ARID2: variants seen among roughly 807,000 people sequenced by gnomAD.
The protein encoded by ARID2 is AT-rich interaction domain 2, also known as AT-rich interactive domain-containing protein 2.
In ARID2, 32 loss-of-function variants were observed where a neutral mutation model predicts 184.6. That is an observed-to-expected ratio of 0.17 (90% CI 0.13 to 0.23). ARID2 has a LOEUF of 0.23. Ranked by LOEUF, ARID2 falls within the 10% of genes least tolerant of loss-of-function variation. The pLI is 1.00. For missense variants in ARID2, 1,696 were observed against 2,197.6 expected (o/e 0.77, Z 4.56); for synonymous variants, 836 against 772.6 (o/e 1.08, Z -1.36).
intron 11 of ARID2, 71 bp from the exon 12 acceptor site, chr12:45,846,785 C>A: frequency 7.1e-7 from 1 of 1,418,206 alleles, no homozygotes; most frequent in Admixed American, 1.8e-5. Context: ...GTTCAATATC[C>A]ATAAAAAAAA....
chr12:45,753,718 C>T (rs898781341), intron 3 of ARID2, among the ~76,000 whole-genome samples: 5 of 152,044 alleles, frequency 3.3e-5, no homozygotes, highest in African/African-American at 4.8e-5. Context: ...CTCAGCCTCC[C>T]GAATAGCTGG....
At chr12:45,864,277 G>C (rs2138196563) in intron 16 of ARID2, among the ~76,000 whole-genome samples, 1 of 151,914 alleles carries the variant, frequency 6.6e-6, no homozygotes, top group South Asian at 2.1e-4. Flanking sequence ...TCACTCTTTA[G>C]ATATAAATAC....
intron 3 of ARID2, among the ~76,000 whole-genome samples, chr12:45,755,328 TAGG>T (rs1941546904): frequency 6.6e-6 from 1 of 152,160 alleles, no homozygotes; most frequent in Non-Finnish European, 1.5e-5. Flanking sequence ...AGGTTTGAGA[TAGG>T]AGGAAGTAGT....
chr12:45,779,168 T>TCTTTTATCTGTGTCTGATTATTTC (rs1942041754), intron 3 of ARID2, among the ~76,000 whole-genome samples: 1 of 152,040 alleles, frequency 6.6e-6, no homozygotes, highest in Non-Finnish European at 1.5e-5. Flanking sequence ...AATCTGTAAA[T>TCTTTTATCTGTGTCTGATTATTTC]CTTTTATCTG....
At chr12:45,904,689 CAAAAAAAAAAAAAAAA>C (rs755707280) in intron 20 of ARID2, among the ~76,000 whole-genome samples, 1 of 35,686 alleles carries the variant, frequency 2.8e-5, no homozygotes, top group Admixed American at 3.0e-4. Context: ...GACTCCTTCT[CAAAAAAAAAAAAAAAA>C]AAAAAAAAAG....
chr12:45,752,987 G>A (rs1270584257), intron 3 of ARID2, among the ~76,000 whole-genome samples: 2 of 152,188 alleles, frequency 1.3e-5, no homozygotes, highest in East Asian at 1.9e-4. Flanking sequence ...CCAGCTGGGC[G>A]TGGTGGCTCA....
chr12:45,841,074 A>G (rs969927852), intron 11 of ARID2: 2 of 152,178 alleles, frequency 1.3e-5, no homozygotes. Flanking sequence ...TCATATTGCT[A>G]GTTAAGTGGG....
intron 3 of ARID2, among the ~76,000 whole-genome samples, chr12:45,733,132 C>T (rs1941034163): frequency 1.3e-5 from 2 of 152,136 alleles, no homozygotes; most frequent in African/African-American, 4.8e-5. Flanking sequence ...TTTGTTTTTG[C>T]AGGGTTGTAG....
At chr12:45,886,068 T>A (rs1944182936) in intron 16 of ARID2, among the ~76,000 whole-genome samples, 1 of 152,040 alleles carries the variant, frequency 6.6e-6, no homozygotes, top group Non-Finnish European at 1.5e-5. Flanking sequence ...AAGTCCAAAG[T>A]CTCATTTGAG....
At chr12:45,794,161 A>C (rs1434575725) in intron 3 of ARID2, among the ~76,000 whole-genome samples, 1 of 152,132 alleles carries the variant, frequency 6.6e-6, no homozygotes, top group African/African-American at 2.4e-5. Context: ...TTCATCTTCC[A>C]CCCATACACT....
At chr12:45,841,754 C>T (rs939417098) in intron 11 of ARID2, 1 of 152,122 alleles carries the variant, frequency 6.6e-6, no homozygotes, top group Non-Finnish European at 1.5e-5. Flanking sequence ...TTTTAAAATA[C>T]ACAAACTCTT....
At chr12:45,870,134 C>G (rs575665663) in intron 16 of ARID2, among the ~76,000 whole-genome samples, 1 of 151,902 alleles carries the variant, frequency 6.6e-6, no homozygotes, top group South Asian at 2.1e-4. Context: ...TACAGGCGCC[C>G]GCCACCATGC....
At chr12:45,883,670 T>C (rs1944140077) in intron 16 of ARID2, among the ~76,000 whole-genome samples, 1 of 151,476 alleles carries the variant, frequency 6.6e-6, no homozygotes. Context: ...TAGTATCACA[T>C]AGAAGGAGAA....
intron 16 of ARID2, among the ~76,000 whole-genome samples, chr12:45,864,192 A>T (rs1442662408): frequency 6.6e-6 from 1 of 151,172 alleles, no homozygotes; most frequent in Non-Finnish European, 1.5e-5. Context: ...AGTAAGCCCC[A>T]CTCCCTCTTA....
In ARID2 at chr12:45,787,214, T is replaced by TTTTC. The variant is rs1942211270; in HGVS notation, c.285-24200_285-24197dup. ...CCATTCCACAATGTATACCTATTTC[T>TTTTC]TTTCTTTTTTTTTTTTTTTTAAAGA... On this transcript the variant is annotated intron_variant, in intron 3 of 20. Transcript: ENST00000334344. Among the ~76,000 whole-genome samples the TTTTC allele has an allele frequency of 6.0e-5, 9 of 151,128 alleles. No homozygotes were observed. In the South Asian group the frequency reaches 1.9e-3, roughly 32 times the overall value.
intron 6 of ARID2, among the ~76,000 whole-genome samples, chr12:45,822,579 A>C (rs1942918330): frequency 6.6e-6 from 1 of 152,106 alleles, no homozygotes; most frequent in African/African-American, 2.4e-5. Flanking sequence ...ATAAAAAATA[A>C]AATGATAGCA....
chr12:45,829,667 G>A (rs369254409), intron 6 of ARID2, among the ~76,000 whole-genome samples: 10 of 148,382 alleles, frequency 6.7e-5, no homozygotes, highest in East Asian at 4.0e-4. Context: ...TGTTTTTTGC[G>A]TTTTCTTCTA....
chr12:45,862,137 C>T (rs1215566087), intron 16 of ARID2, among the ~76,000 whole-genome samples: 1 of 152,050 alleles, frequency 6.6e-6, no homozygotes, highest in African/African-American at 2.4e-5. Context: ...ACTCTCAACC[C>T]AGTAGTGGGA....
In ARID2 at chr12:45,741,364, GT is replaced by G. The variant is rs1448767132; in HGVS notation, c.284+10056del. Among the ~76,000 whole-genome samples the G allele has an allele frequency of 5.9e-5, 9 of 152,034 alleles. No individual in the cohort carries two copies. In the East Asian group the frequency reaches 1.7e-3, roughly 29 times the overall value. On this transcript the variant is annotated intron_variant, in intron 3 of 20. Transcript: ENST00000334344. ...AGGCGCATGCCACCCTGCCCAGCTA[GT>G]TTTTTGTAGTTTTATAGAGATAGGG...
Sources: gnomAD v4.1 joint callset for allele counts (sites outside exome capture counted in the v4.1 genomes callset) on GRCh38, gnomAD v4.1.1 for gene constraint, MANE v1.5 for transcripts, NCBI Gene and HGNC (gene_info 2026-07-23, HGNC 2026-07-21) for gene names.